RBM38: variants seen among roughly 807,000 people sequenced by gnomAD.
The protein encoded by RBM38 is RNA binding motif protein 38.
In RBM38, 11 loss-of-function variants were observed where a neutral mutation model predicts 23.5. The observed-to-expected ratio is 0.47, with a 90% CI of 0.29 to 0.77. The LOEUF (loss-of-function observed/expected upper bound fraction) is 0.77, where lower values mean the gene tolerates loss of function less well. RBM38 is among the 30% of genes least tolerant of loss of function. RBM38 has a pLI of 0.08. For missense variants in RBM38, 330 were observed against 351.9 expected, an observed-to-expected ratio of 0.94 and a Z score of 0.50; for synonymous variants, 165 against 166.1, an observed-to-expected ratio of 0.99 and a Z score of 0.05.
intron 3 of RBM38, among the ~76,000 whole-genome samples, chr20:57,402,582 C>T (rs926054450): frequency 6.6e-6 from 1 of 152,210 alleles, no homozygotes; most frequent in African/African-American, 2.4e-5. Flanking sequence ...CGTGCAGCTA[C>T]CAGGCTGTGC....
At position 57,393,287 on chromosome 20, in the gene RBM38, A is replaced by G. The variant is rs761649817; in HGVS notation, c.370A>G (p.Ile124Val). The change falls in exon 3 of 4, where the codon ATT becomes GTT. Residue 124 changes from isoleucine (I) to valine (V), a missense_variant. Around this residue, in one of 3 missense-constraint regions of RBM38, gnomAD observed 227 missense variants for 216.4 expected, o/e 1.05. Coordinates refer to ENST00000356208, the MANE Select transcript of RBM38 (RefSeq NM_017495.6). Reference sequence around the variant, plus strand: ...TTGTTCTCTCGTTTTAGGCTTTGCCATTGGGGTGCAGCAGCTGCACCCCAC... The same window carrying G: ...TTGTTCTCTCGTTTTAGGCTTTGCCGTTGGGGTGCAGCAGCTGCACCCCAC... ...KPRSLQTGFA[I>V]GVQQLHPTLI... 1.0e-4 allele frequency: 161 copies of G among 1,613,282 alleles called. No individual in the cohort carries two copies. Among genetic ancestry groups the G allele is most frequent in the African/African-American group, 2.0e-4 (15 of 74,860 alleles).
At chr20:57,392,531 C>T (rs2146199959) in intron 1 of RBM38, 123 bp from the exon 2 acceptor site, 2 of 1,519,316 alleles carry the variant, frequency 1.3e-6, no homozygotes, top group Middle Eastern at 1.9e-4. Context: ...GACCCTGGGT[C>T]ACAGGCACCC....
At chr20:57,402,214 G>C (rs997207696) in intron 3 of RBM38, among the ~76,000 whole-genome samples, 15 of 152,214 alleles carry the variant, frequency 9.9e-5, no homozygotes, top group South Asian at 2.1e-4. Context: ...CTAAGTGCTG[G>C]GATTCCAGGC....
At chr20:57,406,790 G>C (rs556011368) in intron 3 of RBM38, among the ~76,000 whole-genome samples, 5 of 152,154 alleles carry the variant, frequency 3.3e-5, no homozygotes, top group African/African-American at 1.2e-4. Flanking sequence ...TCAGGAGATC[G>C]GGACCATCCT....
chr20:57,392,221 C>T (rs1022022030), intron 1 of RBM38: 22 of 346,454 alleles, frequency 6.4e-5, no homozygotes, highest in African/African-American at 4.4e-4. Flanking sequence ...GCCCTCTCAG[C>T]CGCCCCAAAT....
chr20:57,393,420 G>A lies in RBM38; in HGVS notation c.416+87G>A, dbSNP rs1015217474. 18 of 1,370,850 alleles carry A rather than the reference G, an allele frequency of 1.3e-5. No homozygotes were observed. The African/African-American group carries it at 2.2e-4, about 16-fold the overall frequency. The allele number at this position is 1,370,850 out of a possible 1,614,324, so 84.9% of individuals were successfully genotyped here. A position where few individuals can be genotyped will look rare whatever the true frequency, so the allele number is the denominator to read the frequency against. ...GGCTTCCTGGGTCTGGAAGGCTGGGGAAATGACAGTTTTCAGACATTTGAT... is the reference window on the plus strand; with the variant it reads ...GGCTTCCTGGGTCTGGAAGGCTGGGAAAATGACAGTTTTCAGACATTTGAT... On this transcript the variant is annotated intron_variant, in intron 3 of 3. Coordinates refer to ENST00000356208, the MANE Select transcript of RBM38 (RefSeq NM_017495.6).
At chr20:57,394,029 C>T (rs961621078) in intron 3 of RBM38, among the ~76,000 whole-genome samples, 3 of 152,090 alleles carry the variant, frequency 2.0e-5, no homozygotes, top group Non-Finnish European at 4.4e-5. Context: ...TCCTGCCTTG[C>T]GGCCTGCCTC....
chr20:57,391,919 G>GC, intron 1 of RBM38, 101 bp downstream of exon 1: 1 of 837,854 alleles, frequency 1.2e-6, no homozygotes, highest in East Asian at 4.0e-5. Context: ...GCCCGCTGCC[G>GC]CCCCCGCCCC....
At chr20:57,397,141 A>G (rs549547431) in intron 3 of RBM38, among the ~76,000 whole-genome samples, 1 of 152,196 alleles carries the variant, frequency 6.6e-6, no homozygotes, top group South Asian at 2.1e-4. Context: ...TGTGAGTGAG[A>G]ACGGTCACAC....
At chr20:57,394,564 G>A (rs2067255276) in intron 3 of RBM38, among the ~76,000 whole-genome samples, 3 of 152,176 alleles carry the variant, frequency 2.0e-5, no homozygotes, top group Admixed American at 2.0e-4. Context: ...GGTTCCTGCC[G>A]GGGTGCCTCT....
At chr20:57,399,130 C>G (rs1054114216) in intron 3 of RBM38, among the ~76,000 whole-genome samples, 2 of 152,140 alleles carry the variant, frequency 1.3e-5, no homozygotes, top group Non-Finnish European at 2.9e-5. Flanking sequence ...GCGACAGGAG[C>G]TGGGGAGGGG....
In RBM38 at chr20:57,407,751, G is replaced by A. The variant is rs1195400592; in HGVS notation, c.625G>A (p.Ala209Thr). The A allele has an allele frequency of 6.2e-7, 1 of 1,610,488 alleles. No individual in the cohort carries two copies. Among genetic ancestry groups the A allele is most frequent in the Non-Finnish European group, 8.5e-7 (1 of 1,179,396 alleles). Residue 209 changes from alanine to threonine, a missense_variant, in exon 4 of 4, where the codon GCC (alanine) becomes ACC (threonine). Physicochemically the swap from Ala to Thr is moderately conservative, Grantham distance 58. This residue lies in a region of RBM38 where 227 missense variants were observed against 216.4 expected (regional missense o/e 1.05). Transcript: ENST00000356208. The surrounding 1 kb of genome is among the most constrained non-coding windows in gnomAD (Gnocchi z 4.0). ...CAGCTTCGTGGGCTACAGCTACCCT[G>A]CCGCCGTGCCCCAGGCCCTCTCAGC... ...AASFVGYSYPAAVPQALSAAA... is the reference protein window; with the variant it reads ...AASFVGYSYPTAVPQALSAAA...
Position 57,409,316 on chromosome 20 carries a change from G to C in RBM38, c.*1470G>C, listed in dbSNP as rs1164705232. The C allele has an allele frequency of 6.6e-6, 1 of 152,362 alleles. No individual in the cohort carries two copies. Among genetic ancestry groups the C allele is most frequent in the Non-Finnish European group, 1.5e-5 (1 of 68,030 alleles). 9.4% of individuals were successfully genotyped at this position (152,362 alleles called of 1,614,324 possible). A position where few individuals can be genotyped will look rare whatever the true frequency, so the allele number is the denominator to read the frequency against. The stretch of plus-strand genomic sequence containing the variant: ...TGTTCTGATGATAAAAATAAAACTT[G>C]TTTTCTTTAAAGAAAAAGTTGATCT... On this transcript the variant is annotated 3_prime_UTR_variant, in exon 4 of 4. Transcript: ENST00000356208.
Position 57,391,576 on chromosome 20 carries a change from C to G in RBM38, c.-6C>G, listed in dbSNP as rs1336884637. On this transcript the variant is annotated 5_prime_UTR_variant, in exon 1 of 4. Coordinates refer to ENST00000356208, the MANE Select transcript of RBM38 (RefSeq NM_017495.6). ...GCCCGGGTCCGTAGGCGGCGGGGCG[C>G]CCCCCATGCTGCTGCAGCCCGCGCC... The G allele has an allele frequency of 8.6e-7, 1 of 1,161,506 alleles. No individual in the cohort carries two copies. The allele number at this position is 1,161,506 out of a possible 1,614,324, so 71.9% of individuals were successfully genotyped here.
At chr20:57,402,165 T>C (rs535711963) in intron 3 of RBM38, among the ~76,000 whole-genome samples, 2 of 152,242 alleles carry the variant, frequency 1.3e-5, no homozygotes, top group Admixed American at 1.3e-4. Flanking sequence ...CAGGATGGTC[T>C]CAATCTCCTG....
chr20:57,393,132 CAAGGGGGAGG>C, intron 2 of RBM38, 137 bp from the exon 3 acceptor site: 2 of 818,670 alleles, frequency 2.4e-6, no homozygotes, highest in South Asian at 3.0e-5. Context: ...TTGGGGTTCA[CAAGGGGGAGG>C]CCTGGGAGGG....
chr20:57,394,631 G>A (rs1428631306), intron 3 of RBM38, among the ~76,000 whole-genome samples: 5 of 152,114 alleles, frequency 3.3e-5, no homozygotes, highest in South Asian at 2.1e-4. Flanking sequence ...TGTCCGTCTC[G>A]TCCTGGAATC....
chr20:57,396,563 G>A (rs1461113280), intron 3 of RBM38, among the ~76,000 whole-genome samples: 1 of 152,236 alleles, frequency 6.6e-6, no homozygotes, highest in Non-Finnish European at 1.5e-5. Context: ...CTGCTTCCCT[G>A]GGTGCGGGTC....
Position 57,391,436 on chromosome 20 carries a change from CACGTCG to C in RBM38, c.-145_-140del, listed in dbSNP as rs1275063025. 156 of 149,508 alleles carry C rather than the reference CACGTCG, an allele frequency of 1.0e-3. No homozygotes were observed. Among genetic ancestry groups the C allele is most frequent in the African/African-American group, 3.5e-3 (144 of 40,900 alleles). 9.3% of individuals were successfully genotyped at this position (149,508 alleles called of 1,614,324 possible). A position where few individuals can be genotyped will look rare whatever the true frequency, so the allele number is the denominator to read the frequency against. ...CGCCGGTCGGGAGCGCAGCGCGGCG[CACGTCG>C]GCGCGCACGGCGGGACGGGCGCCGG... On this transcript the variant is annotated 5_prime_UTR_variant, in exon 1 of 4. Transcript: ENST00000356208.
Sources: gnomAD v4.1 joint callset for allele counts (sites outside exome capture counted in the v4.1 genomes callset) on GRCh38, gnomAD v4.1.1 for gene constraint, gnomAD v4.1.1 regional missense constraint, Gnocchi (gnomAD v3.1) non-coding constraint, MANE v1.5 for transcripts, NCBI Gene and HGNC (gene_info 2026-07-23, HGNC 2026-07-21) for gene names.